ERC2: variants seen among roughly 807,000 people sequenced by gnomAD.
ERC2 encodes ELKS/RAB6-interacting/CAST family member 2, also known as ERC protein 2.
A neutral mutation model predicts 114.8 loss-of-function variants in ERC2; 42 were observed. The observed-to-expected ratio is 0.37, with a 90% confidence interval of 0.29 to 0.47. The LOEUF is 0.47. ERC2 is among the 20% of genes least tolerant of loss of function. The pLI is 0.99. For missense variants in ERC2, 939 were observed against 1,150.7 expected (o/e 0.82, Z 2.66); for synonymous variants, 454 against 425.5 (o/e 1.07, Z -0.82).
intron 3 of ERC2, among the ~76,000 whole-genome samples, chr3:56,283,350 G>T (rs2054473236): frequency 6.6e-6 from 1 of 152,160 alleles, no homozygotes; most frequent in African/African-American, 2.4e-5. Context: ...TCATTTCTCG[G>T]CCGGGCATGA....
At chr3:56,158,747 A>C (rs1560277020) in intron 4 of ERC2, among the ~76,000 whole-genome samples, 1 of 152,140 alleles carries the variant, frequency 6.6e-6, no homozygotes, top group Non-Finnish European at 1.5e-5. Context: ...AAAAAAACCA[A>C]GAATTTAAAA....
chr3:55,714,639 A>ATGTG (rs34850947), intron 15 of ERC2, among the ~76,000 whole-genome samples: 25 of 99,820 alleles, frequency 2.5e-4, no homozygotes, highest in African/African-American at 9.3e-4. Context: ...GTTTGTATAT[A>ATGTG]TGTGTGTGTG....
Position 55,810,653 on chromosome 3 carries a change from T to C in ERC2, c.2565-75735A>G, listed in dbSNP as rs191326800. 4.4e-3 allele frequency among the ~76,000 whole-genome samples: 671 copies of C among 152,282 alleles called. 8 individuals are homozygous for C. The South Asian group carries it at 0.059, about 14-fold the overall frequency. ...TTTTGAACTTTCAGTAGAGACAGGGTTTCACCATGTTGGCCAGGCTGGTCT... is the reference window on the plus strand; with the variant it reads ...TTTTGAACTTTCAGTAGAGACAGGGCTTCACCATGTTGGCCAGGCTGGTCT... On this transcript the variant is annotated intron_variant, in intron 14 of 17. Coordinates refer to ENST00000288221, the MANE Select transcript of ERC2 (RefSeq NM_015576.3).
In ERC2 at chr3:55,508,611, T is replaced by A. The variant is rs1216711160; in HGVS notation, c.*2705A>T. 1.3e-5 allele frequency: 2 copies of A among 152,574 alleles called. No homozygotes were observed. Among genetic ancestry groups the A allele is most frequent in the Non-Finnish European group, 2.9e-5 (2 of 68,024 alleles). The allele number at this position is 152,574 out of a possible 1,614,324, so 9.5% of individuals were successfully genotyped here. ...CAAACGAGGGTCTCGGGGAATTAGA[T>A]ACACTGACCCTGGGCAGCATTCAAT... On this transcript the variant is annotated 3_prime_UTR_variant, in exon 18 of 18. Coordinates refer to ENST00000288221, the MANE Select transcript of ERC2 (RefSeq NM_015576.3).
intron 17 of ERC2, among the ~76,000 whole-genome samples, chr3:55,529,673 C>T (rs374824542): frequency 2.6e-5 from 4 of 152,162 alleles, no homozygotes; most frequent in African/African-American, 7.2e-5. Flanking sequence ...GTGCAATTTA[C>T]GTGAATAATC....
chr3:55,561,265 T>G (rs772065532), intron 17 of ERC2, among the ~76,000 whole-genome samples: 11 of 152,168 alleles, frequency 7.2e-5, no homozygotes, highest in Non-Finnish European at 1.3e-4. Context: ...TTTGGCAAAT[T>G]TCTTTACTTC....
At chr3:56,183,838 A>G (rs1223130104) in intron 3 of ERC2, among the ~76,000 whole-genome samples, 1 of 152,118 alleles carries the variant, frequency 6.6e-6, no homozygotes, top group Non-Finnish European at 1.5e-5. Context: ...TCCAAGAGGT[A>G]AGGGCTGCAG....
chr3:56,367,742 T>C (rs2059204151), intron 2 of ERC2, among the ~76,000 whole-genome samples: 2 of 152,210 alleles, frequency 1.3e-5, no homozygotes, highest in Admixed American at 6.6e-5. Context: ...CAAACATTGA[T>C]TGGAATCTAA....
At chr3:56,087,201 GT>G (rs1220177392) in intron 6 of ERC2, among the ~76,000 whole-genome samples, 2 of 151,826 alleles carry the variant, frequency 1.3e-5, no homozygotes, top group Non-Finnish European at 2.9e-5. Flanking sequence ...GTGTGTGTGT[GT>G]GTGTGTGTGT....
intron 17 of ERC2, among the ~76,000 whole-genome samples, chr3:55,520,249 A>T (rs966601526): frequency 3.1e-4 from 47 of 151,866 alleles, no homozygotes; most frequent in African/African-American, 1.1e-3. Context: ...GAGCCTGGCC[A>T]ACGTGGTGAA....
intron 17 of ERC2, among the ~76,000 whole-genome samples, chr3:55,588,316 A>G (rs1191505492): frequency 6.6e-6 from 1 of 151,838 alleles, no homozygotes; most frequent in Non-Finnish European, 1.5e-5. Flanking sequence ...CCCCACTGTC[A>G]ATCAGGGTGA....
At chr3:56,373,336 T>C (rs1333837535) in intron 2 of ERC2, among the ~76,000 whole-genome samples, 1 of 152,212 alleles carries the variant, frequency 6.6e-6, no homozygotes, top group Admixed American at 6.5e-5. Context: ...AGAAGTAGGT[T>C]CAGTAACTTG....
chr3:56,324,637 G>A (rs2057277407), intron 2 of ERC2, among the ~76,000 whole-genome samples: 1 of 152,136 alleles, frequency 6.6e-6, no homozygotes, highest in East Asian at 1.9e-4. Context: ...ACGGGCATCT[G>A]TCTGCTGCCT....
At chr3:56,020,200 G>A (rs769718648) in intron 7 of ERC2, among the ~76,000 whole-genome samples, 1 of 152,128 alleles carries the variant, frequency 6.6e-6, no homozygotes, top group Non-Finnish European at 1.5e-5. Flanking sequence ...GGAGGACATG[G>A]TCTTGGCTAA....
chr3:56,224,307 A>T (rs2050113178), intron 3 of ERC2, among the ~76,000 whole-genome samples: 1 of 152,200 alleles, frequency 6.6e-6, no homozygotes, highest in South Asian at 2.1e-4. Flanking sequence ...ACGTTAAAGG[A>T]TGTCTATAGC....
At chr3:55,747,108 A>T (rs1236040532) in intron 14 of ERC2, among the ~76,000 whole-genome samples, 1 of 152,226 alleles carries the variant, frequency 6.6e-6, no homozygotes, top group Non-Finnish European at 1.5e-5. Context: ...ATTTAAAAAA[A>T]TAAACATTAC....
At chr3:55,870,383 T>A (rs1241885479) in intron 14 of ERC2, among the ~76,000 whole-genome samples, 1 of 152,200 alleles carries the variant, frequency 6.6e-6, no homozygotes, top group African/African-American at 2.4e-5. Context: ...CAGGGTAGAC[T>A]TTTCAAGAGA....
chr3:56,259,906 T>C (rs2052799732), intron 3 of ERC2, among the ~76,000 whole-genome samples: 1 of 152,124 alleles, frequency 6.6e-6, no homozygotes, highest in Admixed American at 6.5e-5. Context: ...TGTTACCACA[T>C]AGACCCAAAT....
intron 6 of ERC2, among the ~76,000 whole-genome samples, chr3:56,126,970 G>GT (rs2079912887): frequency 1.3e-5 from 2 of 152,008 alleles, no homozygotes; most frequent in African/African-American, 4.8e-5. Context: ...ACCAAATTCA[G>GT]TAAGGATGCA....
Sources: allele counts gnomAD v4.1 joint callset (sites outside exome capture counted in the v4.1 genomes callset), GRCh38; gene constraint gnomAD v4.1.1; transcripts MANE v1.5; gene names NCBI Gene and HGNC (gene_info 2026-07-23, HGNC 2026-07-21).